KCNJ3: variants seen among roughly 807,000 people sequenced by gnomAD.
The protein encoded by KCNJ3 is G protein-activated inward rectifier potassium channel 1.
A neutral mutation model predicts 39.2 loss-of-function variants in KCNJ3; 4 were observed. The ratio of observed to expected loss-of-function variants is 0.10; its 90% CI spans 0.05 to 0.23. The LOEUF (loss-of-function observed/expected upper bound fraction) is 0.23. KCNJ3 is among the 10% of genes least tolerant of loss of function. The probability of loss-of-function intolerance (pLI) is 1.00; values close to 1 mark genes in which losing one functional copy is unlikely to be tolerated. For missense variants in KCNJ3, 276 were observed against 634.9 expected, an observed-to-expected ratio of 0.43 and a Z score of 6.08; for synonymous variants, 230 against 237.4, an observed-to-expected ratio of 0.97 and a Z score of 0.29.
chr2:154,747,156 T>C (rs920020098), intron 2 of KCNJ3, among the ~76,000 whole-genome samples: 2 of 151,990 alleles, frequency 1.3e-5, no homozygotes, highest in Admixed American at 6.6e-5. Context: ...TTAGTGACTA[T>C]AGATAATAGT....
intron 2 of KCNJ3, among the ~76,000 whole-genome samples, chr2:154,808,316 G>T (rs887005053): frequency 1.3e-5 from 2 of 151,770 alleles, no homozygotes; most frequent in African/African-American, 2.4e-5. Context: ...CCTGACCTCA[G>T]GTGATCCACC....
chr2:154,830,455 T>A (rs566192017), intron 2 of KCNJ3, among the ~76,000 whole-genome samples: 51 of 152,274 alleles, frequency 3.3e-4, no homozygotes, highest in Middle Eastern at 3.4e-3. Context: ...ATAAGATTAT[T>A]ATACCTGTTT....
chr2:154,817,701 T>C (rs527893958), intron 2 of KCNJ3, among the ~76,000 whole-genome samples: 103 of 152,188 alleles, frequency 6.8e-4, no homozygotes, highest in Admixed American at 1.3e-3. Flanking sequence ...AAGACTTCTA[T>C]AATTCCCCCA....
At chr2:154,843,904 G>C (rs1257292617) in intron 2 of KCNJ3, among the ~76,000 whole-genome samples, 1 of 152,156 alleles carries the variant, frequency 6.6e-6, no homozygotes, top group African/African-American at 2.4e-5. Flanking sequence ...CTTTAGCTCA[G>C]AGAAGTTTGT....
chr2:154,726,125 CA>C (rs1297746556), intron 2 of KCNJ3, among the ~76,000 whole-genome samples: 1 of 151,850 alleles, frequency 6.6e-6, no homozygotes, highest in African/African-American at 2.4e-5. Flanking sequence ...TTAATTAAAC[CA>C]AAAAACTTCT....
At chr2:154,840,548 T>G (rs139093317) in intron 2 of KCNJ3, among the ~76,000 whole-genome samples, 3,478 of 152,328 alleles carry the variant, frequency 0.023, 56 homozygotes, top group Middle Eastern at 0.034. Flanking sequence ...TTTCACAATA[T>G]TGATTCTTCC....
At chr2:154,796,834 A>C (rs1320980447) in intron 2 of KCNJ3, among the ~76,000 whole-genome samples, 2 of 152,176 alleles carry the variant, frequency 1.3e-5, no homozygotes, top group Non-Finnish European at 2.9e-5. Context: ...TGTATCATTC[A>C]ATTTTATAAA....
intron 2 of KCNJ3, among the ~76,000 whole-genome samples, chr2:154,849,679 C>T (rs940111031): frequency 3.9e-5 from 6 of 152,156 alleles, no homozygotes; most frequent in Non-Finnish European, 7.3e-5. Flanking sequence ...CCACCATCCC[C>T]GGCTAGCAGA....
intron 2 of KCNJ3, among the ~76,000 whole-genome samples, chr2:154,711,464 A>T (rs1443684466): frequency 6.6e-6 from 1 of 152,116 alleles, no homozygotes; most frequent in African/African-American, 2.4e-5. Flanking sequence ...AAAATGTTTT[A>T]TTAGATCTAT....
intron 2 of KCNJ3, among the ~76,000 whole-genome samples, chr2:154,782,521 C>G: frequency 1.2e-5 from 1 of 86,708 alleles, no homozygotes; most frequent in African/African-American, 4.0e-5. Flanking sequence ...CTACAACATA[C>G]AGGCACACAC....
chr2:154,754,689 A>G (rs1256689653), intron 2 of KCNJ3, among the ~76,000 whole-genome samples: 1 of 69,862 alleles, frequency 1.4e-5, no homozygotes, highest in Admixed American at 2.1e-4. Context: ...TTGAGATATT[A>G]GCTTACAGGA....
At chr2:154,709,902 G>A in intron 2 of KCNJ3, 83 bp downstream of exon 2, 1 of 1,467,026 alleles carries the variant, frequency 6.8e-7, no homozygotes, top group South Asian at 1.3e-5. Flanking sequence ...CATGAATTGG[G>A]CGAAATGACT....
intron 2 of KCNJ3, among the ~76,000 whole-genome samples, chr2:154,801,362 T>A (rs1014773023): frequency 2.0e-5 from 3 of 152,172 alleles, no homozygotes; most frequent in African/African-American, 7.2e-5. Context: ...TTTTTTCTGT[T>A]TCCTAATCTT....
At chr2:154,758,589 TG>T (rs1165363770) in intron 2 of KCNJ3, among the ~76,000 whole-genome samples, 1 of 152,230 alleles carries the variant, frequency 6.6e-6, no homozygotes, top group African/African-American at 2.4e-5. Flanking sequence ...AGTAGAGTCA[TG>T]ACTATCCATT....
At position 154,698,737 on chromosome 2, in the gene KCNJ3, CT is replaced by C; in HGVS notation, c.-37del. ...AGTTTGCAGCGCCCAGCTCCTGCGCCTTCGCTTCGCGTTTGAATCTGGCTCG... is the reference window on the plus strand; with the variant it reads ...AGTTTGCAGCGCCCAGCTCCTGCGCCTCGCTTCGCGTTTGAATCTGGCTCG... On this transcript the variant is annotated 5_prime_UTR_variant, in exon 1 of 3. Transcript: ENST00000295101. 1 of 1,495,484 alleles carries C rather than the reference CT, an allele frequency of 6.7e-7. No individual in the cohort carries two copies. Among genetic ancestry groups the C allele is most frequent in the Non-Finnish European group, 9.2e-7 (1 of 1,086,702 alleles). 92.6% of individuals were successfully genotyped at this position (1,495,484 alleles called of 1,614,324 possible). A position where few individuals can be genotyped will look rare whatever the true frequency, so the allele number is the denominator to read the frequency against.
intron 2 of KCNJ3, among the ~76,000 whole-genome samples, chr2:154,777,040 A>ACG (rs960776330): frequency 7.3e-4 from 95 of 129,890 alleles, no homozygotes; most frequent in Middle Eastern, 3.9e-3. Flanking sequence ...ACACGTACAC[A>ACG]CGCACACACA....
At chr2:154,847,340 C>CAGTT (rs1687679115) in intron 2 of KCNJ3, among the ~76,000 whole-genome samples, 1 of 152,124 alleles carries the variant, frequency 6.6e-6, no homozygotes, top group African/African-American at 2.4e-5. Context: ...GTTAGTGTTA[C>CAGTT]AGTTAATATA....
At chr2:154,824,874 G>C (rs1281206786) in intron 2 of KCNJ3, among the ~76,000 whole-genome samples, 1 of 152,166 alleles carries the variant, frequency 6.6e-6, no homozygotes, top group Non-Finnish European at 1.5e-5. Context: ...AGCAACTACT[G>C]TGCACTAATG....
chr2:154,854,210 A>G (rs940935574), intron 2 of KCNJ3, among the ~76,000 whole-genome samples: 2 of 152,086 alleles, frequency 1.3e-5, no homozygotes, highest in African/African-American at 2.4e-5. Context: ...ACATTTCTGT[A>G]TATGTTATTT....
Sources: gnomAD v4.1 joint callset for allele counts (sites outside exome capture counted in the v4.1 genomes callset) on GRCh38, gnomAD v4.1.1 for gene constraint, MANE v1.5 for transcripts, NCBI Gene and HGNC (gene_info 2026-07-23, HGNC 2026-07-21) for gene names.